DCK: variants seen among roughly 807,000 people sequenced by gnomAD.
DCK encodes the protein deoxycytidine kinase.
In DCK, 23 loss-of-function variants were observed where a neutral mutation model predicts 38.3. That is an observed-to-expected ratio of 0.60 (90% CI 0.43 to 0.85). DCK has a LOEUF of 0.85. Among genes scored for constraint, DCK ranks in the 40% least tolerant of loss-of-function variants. DCK has a pLI of 0.00. For missense variants in DCK, 259 were observed against 304.4 expected (o/e 0.85, Z 1.11); for synonymous variants, 108 against 100.6 (o/e 1.07, Z -0.44).
chr4:71,000,531 A>G (rs1021463017), intron 2 of DCK, among the ~76,000 whole-genome samples: 1 of 152,156 alleles, frequency 6.6e-6, no homozygotes, highest in Admixed American at 6.6e-5. Flanking sequence ...TATGAAATTT[A>G]AGGTAGTTTT....
At chr4:71,018,203 T>C (rs1740321788) in intron 2 of DCK, among the ~76,000 whole-genome samples, 1 of 148,904 alleles carries the variant, frequency 6.7e-6, no homozygotes, top group Non-Finnish European at 1.5e-5. Context: ...CTCAACTTGC[T>C]GCAAGCTCCG....
In DCK at chr4:70,994,484, A is replaced by G. The variant is rs1739614787; in HGVS notation, c.91+558A>G. On this transcript the variant is annotated intron_variant, in intron 1 of 6. Transcript: ENST00000286648. ...CCATATAAATGGAATCATAGGCTAT[A>G]TCGCCTTTTGTGTCTGGCGTCTTTC... Among the ~76,000 whole-genome samples the G allele has an allele frequency of 3.3e-5, 5 of 152,170 alleles. No individual in the cohort carries two copies. In the South Asian group the frequency reaches 1.0e-3, roughly 31 times the overall value.
intron 2 of DCK, among the ~76,000 whole-genome samples, chr4:71,000,942 T>C (rs1739786912): frequency 6.6e-6 from 1 of 152,172 alleles, no homozygotes; most frequent in Admixed American, 6.5e-5. Context: ...TTTCTAAATA[T>C]ACAGTCATCA....
intron 2 of DCK, among the ~76,000 whole-genome samples, chr4:71,005,244 C>T (rs1159418946): frequency 6.6e-6 from 1 of 151,796 alleles, no homozygotes. Flanking sequence ...TTTCACCTTC[C>T]AGGTGAGGCG....
intron 2 of DCK, among the ~76,000 whole-genome samples, chr4:71,017,431 A>G (rs988474401): frequency 2.9e-4 from 44 of 152,200 alleles, no homozygotes; most frequent in Admixed American, 6.5e-5. Flanking sequence ...ATTAGTGGGT[A>G]TATACCCAAA....
intron 2 of DCK, among the ~76,000 whole-genome samples, chr4:71,008,721 C>T (rs1279786781): frequency 6.6e-6 from 1 of 152,212 alleles, no homozygotes; most frequent in Non-Finnish European, 1.5e-5. Flanking sequence ...ACATATTTGT[C>T]ATTTGACTCT....
At chr4:70,994,121 C>A in intron 1 of DCK, 195 bp downstream of exon 1, 2 of 599,744 alleles carry the variant, frequency 3.3e-6, no homozygotes, top group East Asian at 2.9e-5. Flanking sequence ...TGACTGCGGT[C>A]CCCGGGGTCA....
chr4:70,994,202 G>A lies in DCK; in HGVS notation c.91+276G>A, dbSNP rs183893933. On this transcript the variant is annotated intron_variant, in intron 1 of 6. Coordinates refer to ENST00000286648, the MANE Select transcript of DCK (RefSeq NM_000788.3). ...TCTGCTCCCTCTTTGTTGGGAACTC[G>A]CAAAGGGAAGCGGGGGAAGGGTATT... Among the ~76,000 whole-genome samples the A allele has an allele frequency of 1.8e-4, 28 of 152,320 alleles. 1 individual carries two copies. In the East Asian group the frequency reaches 5.4e-3, roughly 29 times the overall value.
chr4:71,012,989 C>A (rs534036214), intron 2 of DCK, among the ~76,000 whole-genome samples: 1 of 152,268 alleles, frequency 6.6e-6, no homozygotes, highest in Non-Finnish European at 1.5e-5. Flanking sequence ...AAGTTCGAAC[C>A]CATGGCAAAG....
At chr4:70,999,935 TG>T (rs1310748818) in intron 2 of DCK, among the ~76,000 whole-genome samples, 1 of 152,208 alleles carries the variant, frequency 6.6e-6, no homozygotes, top group Non-Finnish European at 1.5e-5. Flanking sequence ...CTTTGTCTGA[TG>T]GGTAGATTGC....
Position 71,023,683 on chromosome 4 carries a change from A to AT in DCK, c.529dup (p.Tyr177LeufsTer12). The stretch of plus-strand genomic sequence containing the variant: ...CCAAAGCCTTGAATTGGATGGAATC[A>AT]TTTATCTTCAAGCCACTCCAGAGGT... On this transcript the variant is annotated frameshift_variant, in exon 4 of 7. Transcript: ENST00000286648. LOFTEE classifies it high-confidence loss of function. 1.9e-5 allele frequency: 31 copies of AT among 1,610,428 alleles called. No homozygotes were observed. Among genetic ancestry groups the AT allele is most frequent in the Non-Finnish European group, 2.5e-5 (30 of 1,178,598 alleles).
chr4:71,017,762 C>T (rs188014623), intron 2 of DCK, among the ~76,000 whole-genome samples: 1,620 of 127,084 alleles, frequency 0.013, 36 homozygotes, highest in African/African-American at 0.048. Flanking sequence ...GTGAACATCA[C>T]ACACTGGGGC....
At chr4:70,996,204 CAAAA>C (rs36018698) in intron 1 of DCK, among the ~76,000 whole-genome samples, 1 of 133,030 alleles carries the variant, frequency 7.5e-6, no homozygotes. Flanking sequence ...GACAGAGTCT[CAAAA>C]AAAAAAAAAA....
At chr4:71,023,867 C>CT (rs941186434) in intron 4 of DCK, among the ~76,000 whole-genome samples, 161 bp downstream of exon 4, 49 of 152,302 alleles carry the variant, frequency 3.2e-4, no homozygotes, top group Admixed American at 1.5e-3. Flanking sequence ...TAGAAGCATT[C>CT]TTTTTTCTCA....
At chr4:71,024,936 T>C (rs927831333) in intron 4 of DCK, among the ~76,000 whole-genome samples, 3 of 152,094 alleles carry the variant, frequency 2.0e-5, no homozygotes, top group Non-Finnish European at 2.9e-5. Flanking sequence ...TAATTTCATT[T>C]TGATACTGAT....
intron 2 of DCK, among the ~76,000 whole-genome samples, chr4:71,011,518 G>A (rs1406167554): frequency 2.6e-5 from 4 of 151,994 alleles, no homozygotes; most frequent in East Asian, 3.9e-4. Context: ...CAACATGCCC[G>A]GCTAATTTTT....
chr4:71,001,381 C>A (rs1440413538), intron 2 of DCK, among the ~76,000 whole-genome samples: 1 of 152,054 alleles, frequency 6.6e-6, no homozygotes, highest in Non-Finnish European at 1.5e-5. Flanking sequence ...CTACTGGATT[C>A]GGTTTGCCAG....
chr4:71,013,539 C>G (rs1341678821), intron 2 of DCK, among the ~76,000 whole-genome samples: 2 of 152,166 alleles, frequency 1.3e-5, no homozygotes, highest in Non-Finnish European at 2.9e-5. Flanking sequence ...AAGGGAAGCC[C>G]ATCAGACTAA....
chr4:71,019,773 A>G (rs1740363134), intron 2 of DCK, among the ~76,000 whole-genome samples: 1 of 113,240 alleles, frequency 8.8e-6, no homozygotes, highest in African/African-American at 2.6e-5. Context: ...GGTGGTTGAT[A>G]TACCTTTTAT....
Sources: allele counts gnomAD v4.1 joint callset (sites outside exome capture counted in the v4.1 genomes callset), GRCh38; gene constraint gnomAD v4.1.1; transcripts MANE v1.5; gene names NCBI Gene and HGNC (gene_info 2026-07-23, HGNC 2026-07-21).